Variants in CACNA1A observed in about 807,000 individuals in gnomAD.
CACNA1A encodes voltage-dependent P/Q-type calcium channel subunit alpha-1A.
In CACNA1A, 57 loss-of-function variants were observed where a neutral mutation model predicts 262.4. That is an observed-to-expected ratio of 0.22 (90% CI 0.18 to 0.27). The LOEUF is 0.27. Among genes scored for constraint, CACNA1A ranks in the 10% least tolerant of loss-of-function variants. The probability of loss-of-function intolerance (pLI) is 1.00; values close to 1 mark genes in which losing one functional copy is unlikely to be tolerated. For synonymous variants in CACNA1A, 1,431 were observed against 1,419.3 expected (o/e 1.01, Z -0.18); for missense variants, 2,526 against 3,562.8 (o/e 0.71, Z 7.41).
At chr19:13,331,536 C>A (rs2058469051) in intron 9 of CACNA1A, among the ~76,000 whole-genome samples, 1 of 152,120 alleles carries the variant, frequency 6.6e-6, no homozygotes, top group Non-Finnish European at 1.5e-5. Flanking sequence ...CACGCCCAGC[C>A]CCTGTCTAAC....
In CACNA1A at chr19:13,490,101, T is replaced by C. The variant is rs145256439; in HGVS notation, c.293+15831A>G. 4.0e-4 allele frequency among the ~76,000 whole-genome samples: 61 copies of C among 152,196 alleles called. No homozygotes were observed. The East Asian group carries it at 0.011, about 29-fold the overall frequency. On this transcript the variant is annotated intron_variant, in intron 1 of 46. Coordinates refer to ENST00000360228, the MANE Select transcript of CACNA1A (RefSeq NM_001127222.2). ...CCAGTGCCCATGCCAAGGAGGAAATTAAGAGCTTGCTGGTCATTAGAGAAA... is the reference window on the plus strand; with the variant it reads ...CCAGTGCCCATGCCAAGGAGGAAATCAAGAGCTTGCTGGTCATTAGAGAAA...
intron 6 of CACNA1A, among the ~76,000 whole-genome samples, chr19:13,339,406 CAG>C (rs2058637772): frequency 6.6e-6 from 1 of 151,938 alleles, no homozygotes; most frequent in South Asian, 2.1e-4. Flanking sequence ...TTAGTGGGGA[CAG>C]AGTTACATTT....
At chr19:13,337,680 T>C (rs966071834) in intron 6 of CACNA1A, among the ~76,000 whole-genome samples, 11 of 141,690 alleles carry the variant, frequency 7.8e-5, no homozygotes, top group South Asian at 2.4e-4. Context: ...ACTTGAAAAA[T>C]TGGTTGAGAG....
chr19:13,324,574 T>C (rs1013895054), intron 10 of CACNA1A, among the ~76,000 whole-genome samples: 2 of 152,134 alleles, frequency 1.3e-5, no homozygotes, highest in Admixed American at 6.5e-5. Flanking sequence ...AATTACCATT[T>C]GTCAGCTGCA....
chr19:13,221,600 T>A (rs1366504143), intron 38 of CACNA1A, among the ~76,000 whole-genome samples: 1 of 151,906 alleles, frequency 6.6e-6, no homozygotes, highest in Non-Finnish European at 1.5e-5. Flanking sequence ...TCACATCACA[T>A]CCCCTTTCGG....
chr19:13,210,683 G>GA lies in CACNA1A; in HGVS notation c.6304-32dup, dbSNP rs756384605. 22 of 1,553,148 alleles carry GA rather than the reference G, an allele frequency of 1.4e-5. No individual in the cohort carries two copies. In the South Asian group the frequency reaches 1.4e-4, roughly 10 times the overall value. On this transcript the variant is annotated intron_variant, in intron 43 of 46. Coordinates refer to ENST00000360228, the MANE Select transcript of CACNA1A (RefSeq NM_001127222.2). ...ACAGCCCCATGGGATGGTGCACACA[G>GA]AAAAAACAGAAAGAAGAAAATAAAT... is the stretch of plus-strand genomic sequence containing the variant.
chr19:13,230,427 G>A (rs529775745), intron 35 of CACNA1A, among the ~76,000 whole-genome samples: 6 of 152,188 alleles, frequency 3.9e-5, no homozygotes, highest in Admixed American at 3.3e-4. Context: ...CTCACACAAG[G>A]AGGTCCAGTG....
At chr19:13,404,324 TG>T (rs2059963874) in intron 3 of CACNA1A, among the ~76,000 whole-genome samples, 1 of 152,166 alleles carries the variant, frequency 6.6e-6, no homozygotes, top group Non-Finnish European at 1.5e-5. Context: ...AGCCAATCCC[TG>T]CACTGTATTC....
intron 38 of CACNA1A, among the ~76,000 whole-genome samples, chr19:13,221,900 A>G (rs928402825): frequency 1.3e-5 from 2 of 151,684 alleles, no homozygotes; most frequent in African/African-American, 4.8e-5. Context: ...ATTTCTCGGT[A>G]TTTTTTATTT....
intron 3 of CACNA1A, among the ~76,000 whole-genome samples, chr19:13,411,001 T>C (rs2060101024): frequency 6.6e-6 from 1 of 152,186 alleles, no homozygotes; most frequent in African/African-American, 2.4e-5. Flanking sequence ...GTTCCTTAAA[T>C]AGCCTCCACA....
At chr19:13,328,241 C>A (rs1396531008) in intron 10 of CACNA1A, among the ~76,000 whole-genome samples, 1 of 152,150 alleles carries the variant, frequency 6.6e-6, no homozygotes, top group Non-Finnish European at 1.5e-5. Flanking sequence ...TAACGTAACA[C>A]GTGAGACAGA....
At chr19:13,455,288 A>G in intron 1 of CACNA1A, 76 bp from the exon 2 acceptor site, 1 of 829,102 alleles carries the variant, frequency 1.2e-6, no homozygotes, top group South Asian at 1.4e-5. Context: ...CACTGACCCC[A>G]GTGGAAAGAT....
chr19:13,421,758 C>T (rs1267601031), intron 3 of CACNA1A, among the ~76,000 whole-genome samples: 2 of 152,112 alleles, frequency 1.3e-5, no homozygotes, highest in Admixed American at 1.3e-4. Context: ...GCCTCCAGAA[C>T]TGTGGAAAAT....
chr19:13,368,078 G>A (rs141501285), intron 4 of CACNA1A, among the ~76,000 whole-genome samples: 3,243 of 152,218 alleles, frequency 0.021, 42 homozygotes, highest in South Asian at 0.041. Context: ...ACTTTGGGAG[G>A]CTGAGGCGGG....
rs2057131428 is a variant in CACNA1A, at chr19:13,275,747, A to G, written c.3989+103T>C. 5 of 801,532 alleles carry G rather than the reference A, an allele frequency of 6.2e-6. No homozygotes were observed. In the Admixed American group the frequency reaches 8.0e-5, roughly 13 times the overall value. 49.7% of individuals were successfully genotyped at this position (801,532 alleles called of 1,614,324 possible). ...TCTCCCACGTCCCCGGAGCCCACAC[A>G]CCCCATCCCTAGACCCTGAGAACAT... On this transcript the variant is annotated intron_variant, in intron 24 of 46. Transcript: ENST00000360228.
intron 1 of CACNA1A, among the ~76,000 whole-genome samples, chr19:13,501,197 AT>A (rs33960261): frequency 2.2e-4 from 33 of 149,210 alleles, no homozygotes; most frequent in Middle Eastern, 3.5e-3. Flanking sequence ...CAATAAATCT[AT>A]TTTTTTTTTG....
chr19:13,416,691 T>C (rs1009436136), intron 3 of CACNA1A, among the ~76,000 whole-genome samples: 1 of 152,100 alleles, frequency 6.6e-6, no homozygotes, highest in African/African-American at 2.4e-5. Context: ...GGCGGGCGCC[T>C]GTAATCCCAG....
At position 13,207,650 on chromosome 19, in the gene CACNA1A, G is replaced by A. The variant is rs759129605; in HGVS notation, c.7184C>T (p.Pro2395Leu). 1.4e-6 allele frequency: 2 copies of A among 1,460,696 alleles called. No homozygotes were observed. Among genetic ancestry groups the A allele is most frequent in the Non-Finnish European group, 9.0e-7 (1 of 1,106,416 alleles). 90.5% of individuals were successfully genotyped at this position (1,460,696 alleles called of 1,614,324 possible). Residue 2395 changes from proline (P) to leucine (L), a missense_variant, in exon 47 of 47, where the codon CCG becomes CTG. Transcript: ENST00000360228. The surrounding 1 kb of genome is among the most constrained non-coding windows in gnomAD (Gnocchi z 5.7). ...HGGARWPASG[P>L]HVSEGPPGPR... Reference sequence around the variant, plus strand: ...ACCCGGGGGCCCCTCGGACACGTGCGGGCCAGATGCCGGCCACCGGGCCCC... The same window carrying A: ...ACCCGGGGGCCCCTCGGACACGTGCAGGCCAGATGCCGGCCACCGGGCCCC...
chr19:13,325,631 C>T (rs922243092), intron 10 of CACNA1A, among the ~76,000 whole-genome samples: 4 of 152,184 alleles, frequency 2.6e-5, no homozygotes, highest in Admixed American at 6.5e-5. Flanking sequence ...GACAAAGTTT[C>T]GCCATGTTGG....
Sources: allele counts gnomAD v4.1 joint callset (sites outside exome capture counted in the v4.1 genomes callset), GRCh38; gene constraint gnomAD v4.1.1; non-coding constraint Gnocchi (gnomAD v3.1); transcripts MANE v1.5; gene names NCBI Gene and HGNC (gene_info 2026-07-23, HGNC 2026-07-21).